The following NR1D2 variants were observed in gnomAD, a reference collection of about 807,000 sequenced individuals.
The protein encoded by NR1D2 is V-erbA-related protein 1-related.
A neutral mutation model predicts 52.2 loss-of-function variants in NR1D2; 25 were observed. The ratio of observed to expected loss-of-function variants is 0.48; its 90% CI spans 0.35 to 0.67. The LOEUF (loss-of-function observed/expected upper bound fraction) is 0.67, where lower values mean the gene tolerates loss of function less well. Ranked by LOEUF, NR1D2 falls within the 30% of genes least tolerant of loss-of-function variation. The pLI is 0.01. For synonymous variants in NR1D2, 259 were observed against 230.1 expected (o/e 1.13, Z -1.14); for missense variants, 681 against 707.2 (o/e 0.96, Z 0.42).
chr3:23,947,336 T>C (rs1162260692), intron 1 of NR1D2, among the ~76,000 whole-genome samples: 1 of 152,220 alleles, frequency 6.6e-6, no homozygotes, highest in Non-Finnish European at 1.5e-5. Flanking sequence ...ATTATAAAAA[T>C]TCCTCCGGAT....
chr3:23,976,040 A>G (rs957186863), intron 7 of NR1D2, among the ~76,000 whole-genome samples: 5 of 152,042 alleles, frequency 3.3e-5, no homozygotes, highest in African/African-American at 1.2e-4. Context: ...ATTTTTGTAT[A>G]CTCCTGCCTC....
At chr3:23,965,414 GTTTTTT>G (rs199916460) in intron 6 of NR1D2, among the ~76,000 whole-genome samples, 2 of 132,930 alleles carry the variant, frequency 1.5e-5, no homozygotes, top group Non-Finnish European at 3.3e-5. Flanking sequence ...AATTTTTTTT[GTTTTTT>G]TTTTTTTGTA....
chr3:23,963,403 A>G, intron 5 of NR1D2: 1 of 1,236,214 alleles, frequency 8.1e-7, no homozygotes, highest in Non-Finnish European at 1.0e-6. Context: ...TTTTGTTGTC[A>G]CTTGGAGTTA....
intron 1 of NR1D2, among the ~76,000 whole-genome samples, chr3:23,950,861 A>C (rs540370941): frequency 6.7e-6 from 1 of 149,656 alleles, no homozygotes; most frequent in Admixed American, 6.6e-5. Flanking sequence ...TTTTTAAGCC[A>C]TCTGCATAGC....
At chr3:23,973,853 C>A (rs1394608347) in intron 7 of NR1D2, among the ~76,000 whole-genome samples, 1 of 151,812 alleles carries the variant, frequency 6.6e-6, no homozygotes, top group Non-Finnish European at 1.5e-5. Flanking sequence ...TTATTTACTT[C>A]TTAAACTTTA....
intron 1 of NR1D2, among the ~76,000 whole-genome samples, chr3:23,951,228 T>A (rs574103320): frequency 6.6e-6 from 1 of 152,158 alleles, no homozygotes; most frequent in African/African-American, 2.4e-5. Flanking sequence ...AAAAGTTTAT[T>A]TCTTAGCTAA....
At chr3:23,947,433 A>G (rs532065900) in intron 1 of NR1D2, among the ~76,000 whole-genome samples, 10 of 152,164 alleles carry the variant, frequency 6.6e-5, no homozygotes, top group African/African-American at 2.4e-4. Context: ...TTTTCTGATC[A>G]CTCATCATCC....
At chr3:23,950,556 T>A (rs986631529) in intron 1 of NR1D2, among the ~76,000 whole-genome samples, 1 of 152,230 alleles carries the variant, frequency 6.6e-6, no homozygotes, top group Non-Finnish European at 1.5e-5. Flanking sequence ...CCATTTGGGT[T>A]GCTATCAGTC....
At chr3:23,948,728 T>C (rs1705846385) in intron 1 of NR1D2, among the ~76,000 whole-genome samples, 1 of 152,204 alleles carries the variant, frequency 6.6e-6, no homozygotes, top group Non-Finnish European at 1.5e-5. Context: ...AGGCAAGTAG[T>C]AGAGCCAGAA....
At chr3:23,971,864 C>T (rs575194307) in intron 7 of NR1D2, among the ~76,000 whole-genome samples, 5 of 152,150 alleles carry the variant, frequency 3.3e-5, no homozygotes, top group African/African-American at 9.6e-5. Flanking sequence ...TTTGATCAGT[C>T]AATTCCCAAA....
chr3:23,963,240 A>C (rs1330054002), intron 5 of NR1D2: 2 of 1,350,430 alleles, frequency 1.5e-6, no homozygotes, highest in African/African-American at 3.0e-5. Context: ...GTTCATATTC[A>C]GCCAAAATTT....
chr3:23,968,729 C>T (rs1300915607), intron 7 of NR1D2, among the ~76,000 whole-genome samples: 1 of 152,190 alleles, frequency 6.6e-6, no homozygotes, highest in African/African-American at 2.4e-5. Context: ...TTATTTCTGA[C>T]AGTACCCATT....
At chr3:23,954,024 T>A (rs1231720710) in intron 1 of NR1D2, among the ~76,000 whole-genome samples, 1 of 152,204 alleles carries the variant, frequency 6.6e-6, no homozygotes, top group African/African-American at 2.4e-5. Context: ...TTCTTTGAGA[T>A]GGGGTCCTGC....
chr3:23,968,334 A>G (rs1168157722), intron 7 of NR1D2, among the ~76,000 whole-genome samples: 1 of 152,250 alleles, frequency 6.6e-6, no homozygotes, highest in East Asian at 1.9e-4. Context: ...AACATTATGT[A>G]TCTCCAGGTA....
chr3:23,946,647 ACT>A (rs1304292909), intron 1 of NR1D2: 2 of 152,156 alleles, frequency 1.3e-5, no homozygotes, highest in East Asian at 3.9e-4. Context: ...GGTCAGGATG[ACT>A]CAGGTGATCA....
chr3:23,969,447 G>A (rs1201723868), intron 7 of NR1D2, among the ~76,000 whole-genome samples: 6 of 152,192 alleles, frequency 3.9e-5, no homozygotes, highest in Admixed American at 2.0e-4. Flanking sequence ...TATGACGTGG[G>A]AGTAGTATGA....
chr3:23,950,692 C>T (rs1028764763), intron 1 of NR1D2, among the ~76,000 whole-genome samples: 2 of 152,146 alleles, frequency 1.3e-5, no homozygotes, highest in African/African-American at 2.4e-5. Flanking sequence ...GTGCCTGGCA[C>T]AGATGCTTGT....
intron 3 of NR1D2, among the ~76,000 whole-genome samples, chr3:23,959,282 GAATC>G (rs1706175416): frequency 7.0e-6 from 1 of 143,838 alleles, no homozygotes; most frequent in African/African-American, 2.6e-5. Flanking sequence ...AAAAAAAAAA[GAATC>G]AGTCATTCAT....
At chr3:23,971,271 A>C (rs894126728) in intron 7 of NR1D2, among the ~76,000 whole-genome samples, 1 of 148,024 alleles carries the variant, frequency 6.8e-6, no homozygotes, top group Non-Finnish European at 1.5e-5. Context: ...TGACCACCCA[A>C]CTCTGAATAT....
Sources: gnomAD v4.1 joint callset for allele counts (sites outside exome capture counted in the v4.1 genomes callset) on GRCh38, gnomAD v4.1.1 for gene constraint, MANE v1.5 for transcripts, NCBI Gene and HGNC (gene_info 2026-07-23, HGNC 2026-07-21) for gene names.